Variants in MIR2052HG observed in about 807,000 individuals in gnomAD.
MIR2052HG encodes the protein MIR2052 host gene.
intron 2 of MIR2052HG, among the ~76,000 whole-genome samples, chr8:74,700,396 T>C (rs532556923): frequency 6.6e-6 from 1 of 152,164 alleles, no homozygotes; most frequent in Non-Finnish European, 1.5e-5. Context: ...AGTGTTGCCT[T>C]GTAGAAGTTT....
chr8:74,602,877 T>TTTCTTTC (rs1808041801), intron 1 of MIR2052HG, among the ~76,000 whole-genome samples: 594 of 53,516 alleles, frequency 0.011, 77 homozygotes, highest in Middle Eastern at 0.028. Context: ...TTCTTTCTTT[T>TTTCTTTC]TTCTATTCAC....
intron 4 of MIR2052HG, among the ~76,000 whole-genome samples, chr8:74,731,140 A>T (rs745877024): frequency 6.6e-6 from 1 of 152,182 alleles, no homozygotes; most frequent in Non-Finnish European, 1.5e-5. Flanking sequence ...TGAGAGACAC[A>T]TGAATGGAGT....
At chr8:74,713,870 C>G (rs1260920481) in intron 4 of MIR2052HG, among the ~76,000 whole-genome samples, 1 of 151,932 alleles carries the variant, frequency 6.6e-6, no homozygotes, top group Non-Finnish European at 1.5e-5. Context: ...TAAAGAAAAA[C>G]CATATTAAAG....
chr8:74,736,213 C>A (rs1404842338), intron 4 of MIR2052HG, among the ~76,000 whole-genome samples: 1 of 152,146 alleles, frequency 6.6e-6, no homozygotes, highest in Non-Finnish European at 1.5e-5. Flanking sequence ...TTTCTTTTTC[C>A]ATTGCACTCT....
intron 2 of MIR2052HG, among the ~76,000 whole-genome samples, chr8:74,671,827 G>T (rs1808995830): frequency 6.6e-6 from 1 of 151,992 alleles, no homozygotes; most frequent in South Asian, 2.1e-4. Context: ...TCATTTTCTT[G>T]CTCAAAGATT....
intron 2 of MIR2052HG, among the ~76,000 whole-genome samples, chr8:74,644,570 T>G (rs1808672005): frequency 6.6e-6 from 1 of 152,100 alleles, no homozygotes; most frequent in East Asian, 1.9e-4. Context: ...TTTTTTTTCC[T>G]TTTGTGAAAC....
intron 4 of MIR2052HG, among the ~76,000 whole-genome samples, chr8:74,729,413 C>T (rs979483647): frequency 6.6e-6 from 1 of 152,156 alleles, no homozygotes; most frequent in Non-Finnish European, 1.5e-5. Context: ...ACATAACACA[C>T]TGCCATTTAA....
At chr8:74,615,624 A>G (rs1055120822) in intron 2 of MIR2052HG, among the ~76,000 whole-genome samples, 9 of 144,740 alleles carry the variant, frequency 6.2e-5, no homozygotes, top group African/African-American at 2.3e-4. Flanking sequence ...TTTTTTTTTT[A>G]TTATACTTTA....
intron 3 of MIR2052HG, among the ~76,000 whole-genome samples, chr8:74,703,369 A>G (rs551166977): frequency 1.3e-5 from 2 of 152,188 alleles, no homozygotes; most frequent in African/African-American, 4.8e-5. Flanking sequence ...TCCTCAAAGA[A>G]ACCTATGGTC....
chr8:74,722,518 A>G (rs979632531), intron 4 of MIR2052HG, among the ~76,000 whole-genome samples: 2 of 152,218 alleles, frequency 1.3e-5, no homozygotes, highest in African/African-American at 4.8e-5. Flanking sequence ...CATTATACAT[A>G]ATAAAATGTC....
At chr8:74,665,298 A>G (rs527619740) in intron 2 of MIR2052HG, among the ~76,000 whole-genome samples, 20 of 152,356 alleles carry the variant, frequency 1.3e-4, no homozygotes, top group African/African-American at 4.1e-4. Context: ...ATGAACTCGC[A>G]TCGATATGCT....
intron 4 of MIR2052HG, among the ~76,000 whole-genome samples, chr8:74,708,993 TA>T (rs1260065714): frequency 6.6e-6 from 1 of 152,120 alleles, no homozygotes; most frequent in Non-Finnish European, 1.5e-5. Flanking sequence ...CGTATAATGA[TA>T]GAATGGACCT....
rs923942112 is a variant in MIR2052HG at position 74,752,583 on chromosome 8, T to C, written n.464+50T>C. On this transcript the variant is annotated intron_variant and non_coding_transcript_variant, in intron 5 of 6. Transcript: ENST00000523442. ...CTGACTTTTCAGCTCTTTTCAATAT[T>C]TATGTACTGTGGTTAAACTGCCTTA... 7.4e-5 allele frequency: 33 copies of C among 445,280 alleles called. No homozygotes were observed. The Admixed American group carries it at 7.8e-4, about 10-fold the overall frequency. 27.6% of individuals were successfully genotyped at this position (445,280 alleles called of 1,614,324 possible).
At chr8:74,630,438 A>G (rs1808493035) in intron 2 of MIR2052HG, among the ~76,000 whole-genome samples, 1 of 151,160 alleles carries the variant, frequency 6.6e-6, no homozygotes, top group Non-Finnish European at 1.5e-5. Flanking sequence ...CCAAGAGGAA[A>G]TGGTTAAGAG....
At chr8:74,655,687 G>T (rs1808799316) in intron 2 of MIR2052HG, among the ~76,000 whole-genome samples, 1 of 152,326 alleles carries the variant, frequency 6.6e-6, no homozygotes, top group South Asian at 2.1e-4. Flanking sequence ...GAGACCCTCT[G>T]CTAGGGCAGT....
At chr8:74,674,790 A>G (rs977668460) in intron 2 of MIR2052HG, among the ~76,000 whole-genome samples, 1 of 151,870 alleles carries the variant, frequency 6.6e-6, no homozygotes, top group Non-Finnish European at 1.5e-5. Context: ...CCTGTTAATT[A>G]CTATACATTA....
In MIR2052HG at chr8:74,605,086, G is replaced by GC. The variant is rs975154708; in HGVS notation, n.128+5181dup. On this transcript the variant is annotated intron_variant and non_coding_transcript_variant, in intron 1 of 6. Coordinates refer to ENST00000523442, the Ensembl canonical transcript of MIR2052HG. ...CCCTTCATGATTATCAGTCACATGG[G>GC]CCCTTGTTGCACCCTAACTTCATTT... Among the ~76,000 whole-genome samples, 18 of 152,102 alleles carry GC rather than the reference G, an allele frequency of 1.2e-4. 2 individuals carry two copies. The highest frequency in any genetic ancestry group is 4.3e-4 in the African/African-American group (18 of 41,480).
chr8:74,683,731 C>G (rs1809150037), intron 2 of MIR2052HG, among the ~76,000 whole-genome samples: 1 of 152,104 alleles, frequency 6.6e-6, no homozygotes, highest in African/African-American at 2.4e-5. Context: ...GTTACAATCA[C>G]AGTGATAATC....
intron 2 of MIR2052HG, among the ~76,000 whole-genome samples, chr8:74,627,812 A>T (rs548599708): frequency 3.3e-5 from 5 of 152,324 alleles, no homozygotes; most frequent in East Asian, 1.9e-4. Context: ...TAAGCATTTT[A>T]AAAAAATGAA....
Sources: gnomAD v4.1 joint callset for allele counts (sites outside exome capture counted in the v4.1 genomes callset) on GRCh38, gnomAD v4.1.1 for gene constraint, MANE v1.5 for transcripts, NCBI Gene and HGNC (gene_info 2026-07-23, HGNC 2026-07-21) for gene names.